PAQR3: variants seen among roughly 807,000 people sequenced by gnomAD.
PAQR3 encodes the protein progestin and adipoQ receptor family member 3.
A neutral mutation model predicts 41.7 loss-of-function variants in PAQR3; 39 were observed. The ratio of observed to expected loss-of-function variants is 0.93; its 90% confidence interval spans 0.72 to 1.22. The LOEUF is 1.22. Ranked by LOEUF, PAQR3 falls within the 50% of genes most tolerant of loss-of-function variation. The pLI is 0.00. For synonymous variants in PAQR3, 140 were observed against 140.6 expected (o/e 1.00, Z 0.03); for missense variants, 366 against 385.6 (o/e 0.95, Z 0.42).
chr4:78,938,806 T>C (rs1433158282), intron 1 of PAQR3, among the ~76,000 whole-genome samples: 1 of 151,738 alleles, frequency 6.6e-6, no homozygotes, highest in African/African-American at 2.4e-5. Context: ...CAAAGCGTCA[T>C]AGGAGAGCTG....
At chr4:78,909,584 A>G (rs1434763587), downstream of PAQR3, among the ~76,000 whole-genome samples, 2 of 152,000 alleles carry the variant, frequency 1.3e-5, no homozygotes, top group Non-Finnish European at 2.9e-5. Flanking sequence ...AGCCCCTTAA[A>G]TATGTCTTTA....
intron 11 of PAQR3, among the ~76,000 whole-genome samples, chr4:78,894,416 G>A (rs531170038): frequency 2.0e-5 from 3 of 152,120 alleles, no homozygotes; most frequent in African/African-American, 7.2e-5. Flanking sequence ...CACTTCCTGC[G>A]TTACCTGTAC....
At chr4:78,926,437 G>T in intron 4 of PAQR3, 84 bp downstream of exon 4, 1 of 1,162,110 alleles carries the variant, frequency 8.6e-7, no homozygotes. Flanking sequence ...CTACCCACTT[G>T]GCCTGATTAT....
chr4:78,902,682 T>C (rs1444876417), intron 11 of PAQR3, among the ~76,000 whole-genome samples: 1 of 152,112 alleles, frequency 6.6e-6, no homozygotes, highest in Non-Finnish European at 1.5e-5. Flanking sequence ...TCCCTGACAC[T>C]GGAAGCTTCT....
At chr4:78,931,118 G>A (rs551096245) in intron 2 of PAQR3, among the ~76,000 whole-genome samples, 2 of 148,726 alleles carry the variant, frequency 1.3e-5, no homozygotes, top group South Asian at 2.1e-4. Context: ...GGGAGGCCAT[G>A]GTGGGAGGAT....
intron 1 of PAQR3, among the ~76,000 whole-genome samples, chr4:78,935,910 A>G (rs1433041344): frequency 2.0e-5 from 3 of 152,216 alleles, no homozygotes; most frequent in Non-Finnish European, 4.4e-5. Flanking sequence ...AAACTAGTCT[A>G]GTTTCCAGGT....
In PAQR3 at chr4:78,918,226, T is replaced by G; in HGVS notation, c.*2313A>C. 1 of 828,866 alleles carries G rather than the reference T, an allele frequency of 1.2e-6. No homozygotes were observed. Among genetic ancestry groups the G allele is most frequent in the African/African-American group, 3.0e-5 (1 of 33,610 alleles). 51.3% of individuals were successfully genotyped at this position (828,866 alleles called of 1,614,324 possible). A position where few individuals can be genotyped will look rare whatever the true frequency, so the allele number is the denominator to read the frequency against. ...AGTCTTTTTTAGTAATAAAACTGGA[T>G]AGTATATTTTAATCTTACTTTAATC... On this transcript the variant is annotated 3_prime_UTR_variant, in exon 6 of 6. Coordinates refer to ENST00000512733, the MANE Select transcript of PAQR3 (RefSeq NM_001040202.2).
rs771661777 is a variant in PAQR3, at chr4:78,912,368, T to C, written c.*8171A>G. On this transcript the variant is annotated 3_prime_UTR_variant, in exon 6 of 6. Transcript: ENST00000512733. ...CACTGAGAAGGGACAGTGAAACTGT[T>C]ATTTTTGATATCAGAATGTCATTTT... 9.9e-5 allele frequency: 21 copies of C among 211,734 alleles called. No individual in the cohort carries two copies. Among genetic ancestry groups the C allele is most frequent in the Middle Eastern group, 1.6e-3 (1 of 622 alleles). The allele number at this position is 211,734 out of a possible 1,614,324, so 13.1% of individuals were successfully genotyped here. A position where few individuals can be genotyped will look rare whatever the true frequency, so the allele number is the denominator to read the frequency against.
At chr4:78,938,747 A>G (rs1737707321) in intron 1 of PAQR3, among the ~76,000 whole-genome samples, 1 of 152,004 alleles carries the variant, frequency 6.6e-6, no homozygotes, top group African/African-American at 2.4e-5. Flanking sequence ...TATATATCTC[A>G]ATGAGCCGAA....
intron 11 of PAQR3, among the ~76,000 whole-genome samples, chr4:78,901,206 G>T (rs1450037931): frequency 6.6e-6 from 1 of 151,720 alleles, no homozygotes; most frequent in Non-Finnish European, 1.5e-5. Flanking sequence ...ACCATTCTCA[G>T]CTACTTTTTT....
intron 11 of PAQR3, among the ~76,000 whole-genome samples, chr4:78,900,895 T>A (rs868569521): frequency 2.0e-4 from 31 of 152,222 alleles, no homozygotes; most frequent in African/African-American, 6.3e-4. Context: ...TTAATTATCA[T>A]GAATTATATT....
chr4:78,901,230 ATT>A (rs11355746), intron 11 of PAQR3, among the ~76,000 whole-genome samples: 5 of 142,086 alleles, frequency 3.5e-5, no homozygotes, highest in African/African-American at 1.1e-4. Flanking sequence ...TTATTTTATT[ATT>A]TTTTTTTTTG....
At position 78,918,726 on chromosome 4, in the gene PAQR3, A is replaced by G. The variant is rs1735350189; in HGVS notation, c.*1813T>C. On this transcript the variant is annotated 3_prime_UTR_variant, in exon 6 of 6. Coordinates refer to ENST00000512733, the MANE Select transcript of PAQR3 (RefSeq NM_001040202.2). The stretch of plus-strand genomic sequence containing the variant: ...TTTTTTATTTTGAGAAAGTTTTATA[A>G]TAAAAATGGCTCCACACCTAAAATA... The G allele has an allele frequency of 1.0e-6, 1 of 973,458 alleles. No individual in the cohort carries two copies. The highest frequency in any genetic ancestry group is 1.2e-6 in the Non-Finnish European group (1 of 819,166). The allele number at this position is 973,458 out of a possible 1,614,324, so 60.3% of individuals were successfully genotyped here. A position where few individuals can be genotyped will look rare whatever the true frequency, so the allele number is the denominator to read the frequency against.
chr4:78,913,034 G>T lies in PAQR3; in HGVS notation c.*7505C>A, dbSNP rs1460240406. The stretch of plus-strand genomic sequence containing the variant: ...TATGTAGCGGAAACTGAATTTTCAA[G>T]ACATTTACAATGTGAAATCATGTTG... On this transcript the variant is annotated 3_prime_UTR_variant, in exon 6 of 6. Transcript: ENST00000512733. The T allele has an allele frequency of 8.5e-5, 13 of 152,262 alleles. No individual in the cohort carries two copies. Among genetic ancestry groups the T allele is most frequent in the African/African-American group, 2.9e-4 (12 of 41,558 alleles). The allele number at this position is 152,262 out of a possible 1,614,324, so 9.4% of individuals were successfully genotyped here.
intron 5 of PAQR3, chr4:78,922,717 CTG>C (rs1735780226): frequency 1.9e-5 from 7 of 359,826 alleles, no homozygotes; most frequent in South Asian, 1.1e-4. Flanking sequence ...CCTCATTAAA[CTG>C]TGTTACATGC....
Position 78,918,643 on chromosome 4 carries a change from G to A in PAQR3, c.*1896C>T. 2.1e-6 allele frequency: 2 copies of A among 951,786 alleles called. No homozygotes were observed. Among genetic ancestry groups the A allele is most frequent in the Non-Finnish European group, 2.5e-6 (2 of 799,346 alleles). The allele number at this position is 951,786 out of a possible 1,614,324, so 59.0% of individuals were successfully genotyped here. A position where few individuals can be genotyped will look rare whatever the true frequency, so the allele number is the denominator to read the frequency against. On this transcript the variant is annotated 3_prime_UTR_variant, in exon 6 of 6. Transcript: ENST00000512733. ...CTCTTTTCATGTTATTAATTCAAAT[G>A]GCAAGTATGTATTCATATACTAATA...
At chr4:78,911,036 A>G (rs745575891), downstream of PAQR3, 11 of 1,613,704 alleles carry the variant, frequency 6.8e-6, no homozygotes, top group African/African-American at 1.5e-4. Flanking sequence ...GGACCAACCC[A>G]AGATCTTAAT....
At chr4:78,922,102 A>G (rs1735712974) in intron 5 of PAQR3, 1 of 1,034,668 alleles carries the variant, frequency 9.7e-7, no homozygotes, top group African/African-American at 1.7e-5. Context: ...AGAATTTTAA[A>G]AAGAATTATT....
rs1735478133 is a variant in PAQR3 at position 78,919,801 on chromosome 4, T to G, written c.*738A>C. 3.1e-6 allele frequency: 3 copies of G among 982,574 alleles called. No individual in the cohort carries two copies. The highest frequency in any genetic ancestry group is 3.6e-6 in the Non-Finnish European group (3 of 827,516). 60.9% of individuals were successfully genotyped at this position (982,574 alleles called of 1,614,324 possible). A position where few individuals can be genotyped will look rare whatever the true frequency, so the allele number is the denominator to read the frequency against. On this transcript the variant is annotated 3_prime_UTR_variant, in exon 6 of 6. Coordinates refer to ENST00000512733, the MANE Select transcript of PAQR3 (RefSeq NM_001040202.2). The stretch of plus-strand genomic sequence containing the variant: ...AATATCTGGAATTAAAATGTTTAGG[T>G]GGCTAATGACTATATTATTTGACCA...
Sources: allele counts gnomAD v4.1 joint callset (sites outside exome capture counted in the v4.1 genomes callset), GRCh38; gene constraint gnomAD v4.1.1; transcripts MANE v1.5; gene names NCBI Gene and HGNC (gene_info 2026-07-23, HGNC 2026-07-21).